Variants in CNTNAP2 observed in about 807,000 individuals in gnomAD.
The protein encoded by CNTNAP2 is contactin associated protein 2.
In CNTNAP2, 98 loss-of-function variants were observed where a neutral mutation model predicts 155.2. The ratio of observed to expected loss-of-function variants is 0.63; its 90% CI spans 0.54 to 0.75. The LOEUF (loss-of-function observed/expected upper bound fraction) is 0.75. Among genes scored for constraint, CNTNAP2 ranks in the 30% least tolerant of loss-of-function variants. The probability of loss-of-function intolerance (pLI) is 0.00; values close to 1 mark genes in which losing one functional copy is unlikely to be tolerated. For missense variants in CNTNAP2, 1,727 were observed against 1,688.1 expected, an observed-to-expected ratio of 1.02 and a Z score of -0.40; for synonymous variants, 651 against 631.2, an observed-to-expected ratio of 1.03 and a Z score of -0.47.
intron 21 of CNTNAP2, among the ~76,000 whole-genome samples, chr7:148,328,145 T>C (rs187101521): frequency 6.6e-6 from 1 of 152,120 alleles, no homozygotes; most frequent in African/African-American, 2.4e-5. Context: ...GAGCTTGCTG[T>C]AGCAAGAGAG....
rs1464037291 is a variant in CNTNAP2 at position 147,616,214 on chromosome 7, T to C, written c.1898-22892T>C. ...TTCTCTGTCACCTCCACTGCCACCA[T>C]CCAAAGTCTAAGTGACCATCTCCCA... On this transcript the variant is annotated intron_variant, in intron 12 of 23. Coordinates refer to ENST00000361727, the MANE Select transcript of CNTNAP2 (RefSeq NM_014141.6). Among the ~76,000 whole-genome samples the C allele has an allele frequency of 7.9e-5, 12 of 152,160 alleles. 1 individual carries two copies. Among genetic ancestry groups the C allele is most frequent in the Non-Finnish European group, 1.6e-4 (11 of 68,024 alleles).
intron 3 of CNTNAP2, among the ~76,000 whole-genome samples, chr7:146,997,654 A>G (rs1410123782): frequency 6.6e-6 from 1 of 152,098 alleles, no homozygotes; most frequent in African/African-American, 2.4e-5. Flanking sequence ...TGTCTGGTAG[A>G]ATTCAGCAGT....
At chr7:147,751,172 CCTGT>C (rs1433232315) in intron 13 of CNTNAP2, among the ~76,000 whole-genome samples, 2 of 151,592 alleles carry the variant, frequency 1.3e-5, no homozygotes, top group East Asian at 1.9e-4. Context: ...TCTCCCAGAT[CCTGT>C]CTTTTATTTT....
chr7:146,409,450 A>G lies in CNTNAP2; in HGVS notation c.97+292477A>G, dbSNP rs553291762. On this transcript the variant is annotated intron_variant, in intron 1 of 23. Coordinates refer to ENST00000361727, the MANE Select transcript of CNTNAP2 (RefSeq NM_014141.6). ...TTATTAGTTGGAAATGTTTATCCAT[A>G]TAGCACAGGATGAATAAGTGATTAC... 3.3e-5 allele frequency among the ~76,000 whole-genome samples: 5 copies of G among 152,332 alleles called. No homozygotes were observed. In the East Asian group the frequency reaches 9.7e-4, roughly 29 times the overall value.
intron 3 of CNTNAP2, among the ~76,000 whole-genome samples, chr7:146,976,215 CAGAAGGCGTCTGTGTGTGGG>C (rs1797907069): frequency 6.6e-6 from 1 of 152,208 alleles, no homozygotes; most frequent in Non-Finnish European, 1.5e-5. Context: ...ACAGTGGGCA[CAGAAGGCGTCTGTGTGTGGG>C]ACTTTCTCTC....
chr7:146,158,412 C>A (rs191666444), intron 1 of CNTNAP2, among the ~76,000 whole-genome samples: 1 of 152,016 alleles, frequency 6.6e-6, no homozygotes, highest in Non-Finnish European at 1.5e-5. Flanking sequence ...TAGAGAAGAA[C>A]GCTTCAGAGG....
chr7:146,241,209 C>G (rs1314946580), intron 1 of CNTNAP2, among the ~76,000 whole-genome samples: 4 of 152,158 alleles, frequency 2.6e-5, no homozygotes, highest in African/African-American at 4.8e-5. Context: ...GACACATATC[C>G]AAACTACATC....
intron 4 of CNTNAP2, among the ~76,000 whole-genome samples, chr7:147,104,378 A>G (rs1191454756): frequency 6.6e-6 from 1 of 151,984 alleles, no homozygotes; most frequent in Non-Finnish European, 1.5e-5. Context: ...CAAAAATCAA[A>G]CACAAACTAT....
chr7:146,906,343 GGGGCA>G (rs1172591352), intron 3 of CNTNAP2, among the ~76,000 whole-genome samples: 1 of 152,056 alleles, frequency 6.6e-6, no homozygotes, highest in Admixed American at 6.6e-5. Flanking sequence ...TCCACCTCTG[GGGGCA>G]GGGCACAGAC....
intron 12 of CNTNAP2, among the ~76,000 whole-genome samples, chr7:147,631,865 A>G (rs7801108): frequency 0.07 from 10,585 of 152,248 alleles, 1,021 homozygotes; most frequent in African/African-American, 0.19. Flanking sequence ...GTAAGTCCTG[A>G]AACCGTAAAC....
chr7:148,143,583 G>A (rs900125688), intron 16 of CNTNAP2, among the ~76,000 whole-genome samples: 2 of 152,202 alleles, frequency 1.3e-5, no homozygotes, highest in South Asian at 4.1e-4. Flanking sequence ...AGAGGCTGAG[G>A]TGGGAGAATC....
In CNTNAP2 at chr7:147,300,203, A is replaced by T. The variant is rs1286176571; in HGVS notation, c.1411A>T (p.Ile471Phe). 2 of 1,613,926 alleles carry T rather than the reference A, an allele frequency of 1.2e-6. No homozygotes were observed. The highest frequency in any genetic ancestry group is 8.5e-7 in the Non-Finnish European group (1 of 1,179,960). ...VRFLAKENFA[I>F]LTIDGDEASA... is the part of the protein sequence containing the mutation. ...CTTCCTAGCCAAGGAAAATTTTGCT[A>T]TTCTCACCATCGATGGAGATGAAGC... The change falls in exon 9 of 24, where the codon ATT becomes TTT. Residue 471 changes from isoleucine to phenylalanine, a missense_variant. Transcript: ENST00000361727.
intron 15 of CNTNAP2, among the ~76,000 whole-genome samples, chr7:147,992,143 G>A (rs7789874): frequency 0.23 from 29,859 of 127,938 alleles, 3,700 homozygotes; most frequent in African/African-American, 0.37. Flanking sequence ...CACCTAGGCT[G>A]GAGTGCAGTG....
chr7:147,592,465 G>T (rs1175639476), intron 12 of CNTNAP2, among the ~76,000 whole-genome samples: 3 of 123,692 alleles, frequency 2.4e-5, no homozygotes, highest in African/African-American at 9.0e-5. Context: ...ATAATTAAAA[G>T]TGGTTGTTTC....
intron 1 of CNTNAP2, among the ~76,000 whole-genome samples, chr7:146,483,749 A>G (rs997425081): frequency 1.3e-5 from 2 of 152,244 alleles, no homozygotes; most frequent in South Asian, 4.1e-4. Flanking sequence ...ATATTTTTGT[A>G]CAGCTGTACA....
intron 17 of CNTNAP2, among the ~76,000 whole-genome samples, chr7:148,161,552 C>A (rs1805540578): frequency 6.6e-6 from 1 of 152,058 alleles, no homozygotes; most frequent in South Asian, 2.1e-4. Context: ...ACCTCCCATA[C>A]ACACACACAA....
chr7:147,161,078 C>A (rs556938257), intron 8 of CNTNAP2, among the ~76,000 whole-genome samples: 25 of 152,148 alleles, frequency 1.6e-4, no homozygotes, highest in African/African-American at 6.0e-4. Flanking sequence ...TGACCAGTTG[C>A]AAGGGGTGGG....
chr7:147,064,004 G>C (rs1376257216), intron 4 of CNTNAP2, among the ~76,000 whole-genome samples: 14 of 152,212 alleles, frequency 9.2e-5, no homozygotes, highest in Non-Finnish European at 1.6e-4. Context: ...GAGATGGAAA[G>C]AAATAGGGAC....
intron 13 of CNTNAP2, among the ~76,000 whole-genome samples, chr7:147,742,857 C>G (rs149856147): frequency 1.7e-4 from 26 of 152,264 alleles, no homozygotes; most frequent in African/African-American, 6.3e-4. Context: ...GGCTTTAATA[C>G]AAGAATGAAT....
Sources: allele counts gnomAD v4.1 joint callset (sites outside exome capture counted in the v4.1 genomes callset), GRCh38; gene constraint gnomAD v4.1.1; transcripts MANE v1.5; gene names NCBI Gene and HGNC (gene_info 2026-07-23, HGNC 2026-07-21).